The following RPTOR variants were observed in gnomAD, a reference collection of about 807,000 sequenced individuals.
RPTOR encodes regulatory-associated protein of mTOR.
In RPTOR, 21 loss-of-function variants were observed where a neutral mutation model predicts 169.9. The observed-to-expected ratio is 0.12, with a 90% confidence interval of 0.09 to 0.18. The LOEUF is 0.18. Among genes scored for constraint, RPTOR ranks in the 10% least tolerant of loss-of-function variants. The pLI, the probability that RPTOR is intolerant of heterozygous loss-of-function variation, is 1.00. For missense variants in RPTOR, 1,133 were observed against 1,855.9 expected (o/e 0.61, Z 7.16); for synonymous variants, 732 against 753.2 (o/e 0.97, Z 0.46).
intron 4 of RPTOR, among the ~76,000 whole-genome samples, chr17:80,716,442 A>T (rs2066240209): frequency 6.6e-6 from 1 of 150,880 alleles, no homozygotes; most frequent in Non-Finnish European, 1.5e-5. Flanking sequence ...GATTTGTTTG[A>T]GTTTGTTGTA....
At chr17:80,632,288 T>A (rs1289100989) in intron 2 of RPTOR, among the ~76,000 whole-genome samples, 1 of 152,240 alleles carries the variant, frequency 6.6e-6, no homozygotes, top group East Asian at 1.9e-4. Flanking sequence ...TGTTAGGCTT[T>A]TCGAACAAGC....
chr17:80,778,907 G>T (rs942503036), intron 6 of RPTOR, among the ~76,000 whole-genome samples: 1 of 152,192 alleles, frequency 6.6e-6, no homozygotes, highest in Non-Finnish European at 1.5e-5. Flanking sequence ...TGGCCGCGGC[G>T]CCTGCGAATG....
intron 24 of RPTOR, among the ~76,000 whole-genome samples, chr17:80,930,441 C>A (rs1389511609): frequency 6.6e-6 from 1 of 151,652 alleles, no homozygotes; most frequent in Non-Finnish European, 1.5e-5. Context: ...TCATCCCCAG[C>A]TCATCCTCAG....
chr17:80,634,161 T>C (rs901453187), intron 2 of RPTOR, among the ~76,000 whole-genome samples: 176 of 136,904 alleles, frequency 1.3e-3, no homozygotes, highest in Non-Finnish European at 1.8e-3. Context: ...GTACTGTGTG[T>C]GTGTGCATAC....
chr17:80,658,878 C>T lies in RPTOR; in HGVS notation c.348+15068C>T, dbSNP rs139194763. ...ATTCCAGTTCTCTGGTGAAAATTTTCACCTTGTTATCTCTTTTCTTGTACA... is the reference window on the plus strand; with the variant it reads ...ATTCCAGTTCTCTGGTGAAAATTTTTACCTTGTTATCTCTTTTCTTGTACA... On this transcript the variant is annotated intron_variant, in intron 3 of 33. Transcript: ENST00000306801. Among the ~76,000 whole-genome samples, 1,363 of 152,302 alleles carry T rather than the reference C, an allele frequency of 8.9e-3. 17 individuals carry two copies. Among genetic ancestry groups the T allele is most frequent in the African/African-American group, 0.027 (1,133 of 41,544 alleles).
chr17:80,680,163 C>T (rs1360976112), intron 3 of RPTOR, among the ~76,000 whole-genome samples: 2 of 152,248 alleles, frequency 1.3e-5, no homozygotes, highest in African/African-American at 4.8e-5. Context: ...TTCCTCCAGG[C>T]ACATCTTCTC....
At chr17:80,862,426 C>G (rs1320108648) in intron 13 of RPTOR, among the ~76,000 whole-genome samples, 1 of 152,070 alleles carries the variant, frequency 6.6e-6, no homozygotes, top group Non-Finnish European at 1.5e-5. Context: ...TTCCCCTCCC[C>G]ACGTCTGGCC....
intron 3 of RPTOR, among the ~76,000 whole-genome samples, chr17:80,698,070 G>C (rs1021911341): frequency 4.1e-5 from 6 of 146,658 alleles, no homozygotes; most frequent in Non-Finnish European, 7.5e-5. Context: ...ATCCCAGACG[G>C]GTGGGTGCGG....
intron 1 of RPTOR, among the ~76,000 whole-genome samples, chr17:80,622,913 CAA>C (rs2065365261): frequency 6.6e-6 from 1 of 151,460 alleles, no homozygotes. Context: ...AAAAATGAAA[CAA>C]AACAAAAAAA....
At chr17:80,698,169 G>A (rs34290925) in intron 3 of RPTOR, among the ~76,000 whole-genome samples, 40,527 of 152,044 alleles carry the variant, frequency 0.27, 7,481 homozygotes, top group African/African-American at 0.53. Context: ...GAACGGAGGC[G>A]ACTGAGGGTC....
intron 4 of RPTOR, among the ~76,000 whole-genome samples, chr17:80,725,432 C>G (rs1272782365): frequency 6.6e-6 from 1 of 152,230 alleles, no homozygotes; most frequent in South Asian, 2.1e-4. Flanking sequence ...GAATTATTCT[C>G]TGTACTTTTA....
At chr17:80,784,091 C>T (rs895347062) in intron 6 of RPTOR, among the ~76,000 whole-genome samples, 2 of 152,126 alleles carry the variant, frequency 1.3e-5, no homozygotes, top group African/African-American at 4.8e-5. Flanking sequence ...ATCCTCCTGC[C>T]TCAGCCTCCC....
At chr17:80,893,614 A>G in intron 19 of RPTOR, 93 bp from the exon 20 acceptor site, 1 of 1,472,170 alleles carries the variant, frequency 6.8e-7, no homozygotes, top group Non-Finnish European at 9.1e-7. Flanking sequence ...AGCTTTATTT[A>G]GAAGAAAATA....
chr17:80,561,097 G>A (rs1353629700), intron 1 of RPTOR, among the ~76,000 whole-genome samples: 1 of 151,946 alleles, frequency 6.6e-6, no homozygotes, highest in East Asian at 1.9e-4. Flanking sequence ...TTGAAATGGA[G>A]TCTCACTCTG....
At chr17:80,786,570 T>C (rs1246825571) in intron 6 of RPTOR, among the ~76,000 whole-genome samples, 1 of 152,206 alleles carries the variant, frequency 6.6e-6, no homozygotes, top group Non-Finnish European at 1.5e-5. Flanking sequence ...GGCACTGCCA[T>C]GTGGCTGGAT....
chr17:80,872,561 G>A (rs998034523), intron 13 of RPTOR, among the ~76,000 whole-genome samples: 1 of 152,212 alleles, frequency 6.6e-6, no homozygotes, highest in South Asian at 2.1e-4. Flanking sequence ...AGGGAACTGG[G>A]TCTGTCGGTG....
chr17:80,797,338 G>A (rs1353427106), intron 7 of RPTOR, among the ~76,000 whole-genome samples: 1 of 152,174 alleles, frequency 6.6e-6, no homozygotes, highest in Non-Finnish European at 1.5e-5. Flanking sequence ...TGTAGAGACA[G>A]GGTTTCTCTG....
chr17:80,919,894 G>A (rs2068724317), intron 21 of RPTOR, among the ~76,000 whole-genome samples: 1 of 152,244 alleles, frequency 6.6e-6, no homozygotes, highest in African/African-American at 2.4e-5. Context: ...CTTGACCTCT[G>A]CAGGCTGCGA....
intron 7 of RPTOR, among the ~76,000 whole-genome samples, chr17:80,798,338 G>A (rs763603452): frequency 2.0e-5 from 3 of 152,216 alleles, no homozygotes; most frequent in Admixed American, 1.3e-4. Context: ...GCACCCATGC[G>A]TCACAGCATG....
Sources: gnomAD v4.1 joint callset for allele counts (sites outside exome capture counted in the v4.1 genomes callset) on GRCh38, gnomAD v4.1.1 for gene constraint, MANE v1.5 for transcripts, NCBI Gene and HGNC (gene_info 2026-07-23, HGNC 2026-07-21) for gene names.